The following STXBP5L variants were observed in gnomAD, a reference collection of about 807,000 sequenced individuals.
The protein encoded by STXBP5L is syntaxin-binding protein 5-like.
In STXBP5L, 65 loss-of-function variants were observed where a neutral mutation model predicts 144.5. That is an observed-to-expected ratio of 0.45 (90% confidence interval 0.37 to 0.55). The LOEUF (loss-of-function observed/expected upper bound fraction) is 0.55. Among genes scored for constraint, STXBP5L ranks in the 20% least tolerant of loss-of-function variants. STXBP5L has a pLI of 0.00. For synonymous variants in STXBP5L, 505 were observed against 469.6 expected (o/e 1.08, Z -0.97); for missense variants, 1,298 against 1,405.5 (o/e 0.92, Z 1.22).
At position 121,011,663 on chromosome 3, in the gene STXBP5L, TA is replaced by T. The variant is rs761316065; in HGVS notation, c.288-30026del. Among the ~76,000 whole-genome samples, 427 of 147,828 alleles carry T rather than the reference TA, an allele frequency of 2.9e-3. No homozygotes were observed. In the East Asian group the frequency reaches 0.031, roughly 11 times the overall value. ...TGTTACTCCTGGTAATATTCACTTT[TA>T]AAAAAAAAAAGTTATTACAGATACA... On this transcript the variant is annotated intron_variant, in intron 3 of 26. Coordinates refer to ENST00000471454, the MANE Select transcript of STXBP5L (RefSeq NM_001308330.2).
intron 2 of STXBP5L, among the ~76,000 whole-genome samples, chr3:120,923,106 T>C (rs1281137465): frequency 2.0e-5 from 3 of 152,046 alleles, no homozygotes; most frequent in Non-Finnish European, 2.9e-5. Flanking sequence ...TTTATTCCTT[T>C]CTTCTAAATT....
intron 6 of STXBP5L, 80 bp downstream of exon 6, chr3:121,115,139 T>C (rs947339118): frequency 1.8e-5 from 24 of 1,357,962 alleles, no homozygotes; most frequent in African/African-American, 3.0e-5. Flanking sequence ...ATTACAGTTA[T>C]TTGATACGTC....
intron 11 of STXBP5L, among the ~76,000 whole-genome samples, chr3:121,225,264 G>A (rs779477776): frequency 2.6e-5 from 4 of 152,020 alleles, no homozygotes; most frequent in Non-Finnish European, 5.9e-5. Flanking sequence ...ATCCCCAGCT[G>A]TAATCTCTGG....
In STXBP5L at chr3:121,014,332, C is replaced by T. The variant is rs117428670; in HGVS notation, c.288-27368C>T. ...ATCTACCTCTTACATCAACATCCAC[C>T]GTAGGAAAACACTACTAACCTTCTG... On this transcript the variant is annotated intron_variant, in intron 3 of 26. Transcript: ENST00000471454. Among the ~76,000 whole-genome samples the T allele has an allele frequency of 1.2e-3, 179 of 151,878 alleles. 3 individuals are homozygous for T. In the East Asian group the frequency reaches 0.025, roughly 21 times the overall value.
At chr3:121,006,517 G>C (rs1038568423) in intron 3 of STXBP5L, among the ~76,000 whole-genome samples, 1 of 152,100 alleles carries the variant, frequency 6.6e-6, no homozygotes, top group Non-Finnish European at 1.5e-5. Flanking sequence ...TTGCCAGTCC[G>C]TGTCTTTTAA....
intron 3 of STXBP5L, among the ~76,000 whole-genome samples, chr3:120,992,423 C>T (rs902639568): frequency 6.6e-6 from 1 of 152,126 alleles, no homozygotes; most frequent in African/African-American, 2.4e-5. Context: ...TATATTTGTA[C>T]CCATTAACTA....
At chr3:121,248,693 G>C (rs2049936318) in intron 14 of STXBP5L, among the ~76,000 whole-genome samples, 1 of 152,052 alleles carries the variant, frequency 6.6e-6, no homozygotes. Context: ...AATCATTTTT[G>C]GGGGCTTGGC....
chr3:121,359,510 A>C (rs1318755061), intron 20 of STXBP5L, among the ~76,000 whole-genome samples: 2 of 152,038 alleles, frequency 1.3e-5, no homozygotes, highest in Admixed American at 1.3e-4. Flanking sequence ...GGGGTGTTGC[A>C]TAAGAAGCCT....
In STXBP5L at chr3:121,051,697, A is replaced by T. The variant is rs531176637; in HGVS notation, c.470+6162A>T. On this transcript the variant is annotated intron_variant, in intron 5 of 26. Transcript: ENST00000471454. Reference sequence around the variant, plus strand: ...TAGAACTAGAGAAGCAAGAGGAAACACATTCAAAAGCTAGCAGAAGGCAAG... The same window carrying T: ...TAGAACTAGAGAAGCAAGAGGAAACTCATTCAAAAGCTAGCAGAAGGCAAG... 2.6e-5 allele frequency among the ~76,000 whole-genome samples: 4 copies of T among 152,278 alleles called. No individual in the cohort carries two copies. The South Asian group carries it at 8.3e-4, about 32-fold the overall frequency.
intron 10 of STXBP5L, among the ~76,000 whole-genome samples, chr3:121,219,901 G>A (rs763929845): frequency 3.9e-5 from 6 of 152,104 alleles, no homozygotes; most frequent in Admixed American, 2.6e-4. Context: ...TATTTATTAT[G>A]TTACACAACT....
chr3:121,223,260 A>G (rs2049027543), intron 11 of STXBP5L, 103 bp downstream of exon 11: 1 of 1,202,146 alleles, frequency 8.3e-7, no homozygotes, highest in Non-Finnish European at 1.1e-6. Context: ...ACTGTGGTAT[A>G]ACGCTGTGAG....
chr3:121,004,203 G>T (rs1159451318), intron 3 of STXBP5L, among the ~76,000 whole-genome samples: 2 of 152,084 alleles, frequency 1.3e-5, no homozygotes, highest in African/African-American at 2.4e-5. Context: ...TCTTCCATTT[G>T]TTTGTATCCT....
chr3:121,222,875 G>A (rs1262590195), intron 10 of STXBP5L, 128 bp from the exon 11 acceptor site: 41 of 944,696 alleles, frequency 4.3e-5, no homozygotes, highest in East Asian at 5.7e-5. Context: ...ATTTTGAGCC[G>A]GGCAAGTTTT....
At chr3:121,191,355 C>T (rs57745805) in intron 9 of STXBP5L, among the ~76,000 whole-genome samples, 2,937 of 152,278 alleles carry the variant, frequency 0.019, 101 homozygotes, top group African/African-American at 0.067. Context: ...CCGGCCAACA[C>T]GGCGAAACCC....
At chr3:121,141,258 C>G (rs891781017) in intron 7 of STXBP5L, among the ~76,000 whole-genome samples, 2 of 152,002 alleles carry the variant, frequency 1.3e-5, no homozygotes, top group African/African-American at 4.8e-5. Context: ...ACAAAATTAG[C>G]TGGGGGTGGT....
intron 3 of STXBP5L, among the ~76,000 whole-genome samples, chr3:121,003,719 T>C (rs894757195): frequency 6.6e-6 from 1 of 152,322 alleles, no homozygotes; most frequent in Non-Finnish European, 1.5e-5. Flanking sequence ...CATCTTGAAT[T>C]AATTTTTGTA....
chr3:121,378,403 T>TTAAG (rs1267157369), intron 20 of STXBP5L, among the ~76,000 whole-genome samples: 33 of 152,256 alleles, frequency 2.2e-4, no homozygotes, highest in African/African-American at 7.7e-4. Flanking sequence ...CATTGTATAT[T>TTAAG]TAAGTTATGC....
intron 3 of STXBP5L, among the ~76,000 whole-genome samples, chr3:120,991,540 A>T (rs1482155976): frequency 2.6e-5 from 4 of 152,270 alleles, no homozygotes; most frequent in Non-Finnish European, 5.9e-5. Flanking sequence ...ATGTATGTTT[A>T]TGGTGGCACT....
At chr3:121,232,400 A>G (rs2049337746) in intron 11 of STXBP5L, among the ~76,000 whole-genome samples, 1 of 152,132 alleles carries the variant, frequency 6.6e-6, no homozygotes, top group Non-Finnish European at 1.5e-5. Context: ...ACAAAATAAA[A>G]ATAAAAAAGA....
Sources: gnomAD v4.1 joint callset for allele counts (sites outside exome capture counted in the v4.1 genomes callset) on GRCh38, gnomAD v4.1.1 for gene constraint, MANE v1.5 for transcripts, NCBI Gene and HGNC (gene_info 2026-07-23, HGNC 2026-07-21) for gene names.